The following RAC1 variants were observed in gnomAD, a reference collection of about 807,000 sequenced individuals.
RAC1 encodes the protein ras-related C3 botulinum toxin substrate 1.
RAC1 carries 2 observed loss-of-function variants against 25.2 expected under a neutral mutation model. The ratio of observed to expected loss-of-function variants is 0.08; its 90% CI spans 0.03 to 0.25. RAC1 has a LOEUF of 0.25. Ranked by LOEUF, RAC1 falls within the 10% of genes least tolerant of loss-of-function variation. The pLI, the probability that RAC1 is intolerant of heterozygous loss-of-function variation, is 1.00. For missense variants in RAC1, 50 were observed against 235.7 expected (o/e 0.21, Z 5.16); for synonymous variants, 88 against 94.0 (o/e 0.94, Z 0.37).
chr7:6,395,928 G>T (rs574552726), intron 3 of RAC1, among the ~76,000 whole-genome samples: 2 of 152,124 alleles, frequency 1.3e-5, no homozygotes, highest in African/African-American at 4.8e-5. Flanking sequence ...CCAGATGCCC[G>T]CCCTGTCTTA....
At chr7:6,380,324 G>T (rs1782729185) in intron 1 of RAC1, among the ~76,000 whole-genome samples, 1 of 152,030 alleles carries the variant, frequency 6.6e-6, no homozygotes, top group Non-Finnish European at 1.5e-5. Flanking sequence ...CTTTGTTGAT[G>T]ATTTTATACA....
chr7:6,375,059 G>A (rs936850588), intron 1 of RAC1, among the ~76,000 whole-genome samples: 2 of 151,590 alleles, frequency 1.3e-5, no homozygotes, highest in East Asian at 3.9e-4. Flanking sequence ...GCCGCCCGCC[G>A]CCCTCCTCGG....
intron 1 of RAC1, among the ~76,000 whole-genome samples, chr7:6,376,594 C>G (rs1056048688): frequency 2.0e-5 from 3 of 150,570 alleles, no homozygotes; most frequent in African/African-American, 4.9e-5. Context: ...CTCTGCCTCC[C>G]GGGTTCAAGC....
intron 3 of RAC1, among the ~76,000 whole-genome samples, chr7:6,392,867 C>T (rs780924527): frequency 6.6e-6 from 1 of 152,220 alleles, no homozygotes; most frequent in Non-Finnish European, 1.5e-5. Flanking sequence ...CATCCTCTCT[C>T]CAGTCTTTGC....
intron 1 of RAC1, among the ~76,000 whole-genome samples, chr7:6,386,627 C>T (rs1782930534): frequency 6.6e-6 from 1 of 151,178 alleles, no homozygotes; most frequent in Non-Finnish European, 1.5e-5. Context: ...ACTAAAAATA[C>T]AAAAAAATTA....
rs1480616981 is a variant in RAC1, at chr7:6,403,459, ATCTT to A, written c.*1017_*1020del. The stretch of plus-strand genomic sequence containing the variant: ...GCAATATGCCTCCTTGTATTATAAA[ATCTT>A]TCTGATAATGCATTAGAAGGTTTTT... On this transcript the variant is annotated 3_prime_UTR_variant, in exon 6 of 6. Coordinates refer to ENST00000348035, the MANE Select transcript of RAC1 (RefSeq NM_006908.5). 4.6e-6 allele frequency: 1 copy of A among 217,064 alleles called. No individual in the cohort carries two copies. The highest frequency in any genetic ancestry group is 9.3e-6 in the Non-Finnish European group (1 of 107,724). 13.4% of individuals were successfully genotyped at this position (217,064 alleles called of 1,614,324 possible). A position where few individuals can be genotyped will look rare whatever the true frequency, so the allele number is the denominator to read the frequency against.
chr7:6,391,080 T>C (rs562291847), intron 2 of RAC1, among the ~76,000 whole-genome samples: 1 of 152,186 alleles, frequency 6.6e-6, no homozygotes, highest in Non-Finnish European at 1.5e-5. Context: ...GCATTTTTAG[T>C]AGACACAAAG....
At chr7:6,379,090 CA>C (rs1782689143) in intron 1 of RAC1, among the ~76,000 whole-genome samples, 1 of 150,552 alleles carries the variant, frequency 6.6e-6, no homozygotes. Context: ...GACTCCGTCT[CA>C]AAAAGGAAAA....
At chr7:6,385,252 G>A (rs535217995) in intron 1 of RAC1, among the ~76,000 whole-genome samples, 1 of 152,310 alleles carries the variant, frequency 6.6e-6, no homozygotes, top group East Asian at 1.9e-4. Flanking sequence ...CTTACTTCAT[G>A]AGGTCTTGTT....
Position 6,402,751 on chromosome 7 carries a change from G to T in RAC1, c.*305G>T, listed in dbSNP as rs1014695653. 4 of 259,726 alleles carry T rather than the reference G, an allele frequency of 1.5e-5. No homozygotes were observed. The highest frequency in any genetic ancestry group is 6.6e-5 in the African/African-American group (3 of 45,232). 16.1% of individuals were successfully genotyped at this position (259,726 alleles called of 1,614,324 possible). A position where few individuals can be genotyped will look rare whatever the true frequency, so the allele number is the denominator to read the frequency against. ...CCCCCCCCATTCTTGTTCAGATTAA[G>T]AGTTGCCAAAATACCTTCTGAACTA... On this transcript the variant is annotated 3_prime_UTR_variant, in exon 6 of 6. Transcript: ENST00000348035.
chr7:6,399,586 G>A (rs1292629725), intron 3 of RAC1, among the ~76,000 whole-genome samples: 2 of 152,310 alleles, frequency 1.3e-5, no homozygotes, highest in South Asian at 2.1e-4. Context: ...CTAGGGCAGC[G>A]TGAGGGTGGT....
chr7:6,379,218 C>T (rs1390791440), intron 1 of RAC1, among the ~76,000 whole-genome samples: 1 of 150,988 alleles, frequency 6.6e-6, no homozygotes, highest in Non-Finnish European at 1.5e-5. Context: ...TCTCCTGCGT[C>T]AGCCTCCCAA....
At position 6,391,915 on chromosome 7, in the gene RAC1, A is replaced by G. The variant is rs371132934; in HGVS notation, c.108-9A>G. On this transcript the variant is annotated splice_polypyrimidine_tract_variant and intron_variant, in intron 2 of 5. Coordinates refer to ENST00000348035, the MANE Select transcript of RAC1 (RefSeq NM_006908.5). ...ACCTGTGACTAACCATTTTCATTCC[A>G]TTCTACAGCTTTGACAATTATTCTG... 2.3e-5 allele frequency: 37 copies of G among 1,613,892 alleles called. No individual in the cohort carries two copies. In the African/African-American group the frequency reaches 2.5e-4, roughly 11 times the overall value.
At chr7:6,376,549 C>G (rs1782605074) in intron 1 of RAC1, among the ~76,000 whole-genome samples, 1 of 143,764 alleles carries the variant, frequency 7.0e-6, no homozygotes. Context: ...GTCGCCCAGG[C>G]TGGAGTGCAA....
intron 1 of RAC1, among the ~76,000 whole-genome samples, chr7:6,384,414 C>G (rs1163782315): frequency 1.3e-5 from 2 of 152,176 alleles, no homozygotes; most frequent in Non-Finnish European, 2.9e-5. Context: ...TGTGACTTTC[C>G]AAGTAGGATC....
chr7:6,402,111 TG>T, intron 5 of RAC1, 84 bp downstream of exon 5: 2 of 1,505,082 alleles, frequency 1.3e-6, no homozygotes, highest in Non-Finnish European at 1.8e-6. Flanking sequence ...GAAAGGAGGG[TG>T]TGTGTCTCCC....
chr7:6,380,204 GT>G (rs200906891), intron 1 of RAC1, among the ~76,000 whole-genome samples: 2 of 152,162 alleles, frequency 1.3e-5, no homozygotes, highest in African/African-American at 2.4e-5. Flanking sequence ...CTTTTCAGCT[GT>G]TTTGTGTGTT....
At chr7:6,376,427 A>C (rs996124731) in intron 1 of RAC1, among the ~76,000 whole-genome samples, 2 of 146,112 alleles carry the variant, frequency 1.4e-5, no homozygotes, top group African/African-American at 2.6e-5. Flanking sequence ...CAGGTGATCC[A>C]CCCGCCTGGG....
chr7:6,398,561 G>A, intron 3 of RAC1: 1 of 1,028,636 alleles, frequency 9.7e-7, no homozygotes, highest in Non-Finnish European at 1.5e-6. Context: ...CTCTCCGGAG[G>A]GTTAAGACAA....
Sources: gnomAD v4.1 joint callset for allele counts (sites outside exome capture counted in the v4.1 genomes callset) on GRCh38, gnomAD v4.1.1 for gene constraint, MANE v1.5 for transcripts, NCBI Gene and HGNC (gene_info 2026-07-23, HGNC 2026-07-21) for gene names.